The following UGT1A10 variants were observed in gnomAD, a reference collection of about 807,000 sequenced individuals.
UGT1A10 encodes the protein UDP glucuronosyltransferase family 1 member A10.
Under a neutral mutation model 45.8 loss-of-function variants are expected in UGT1A10, and 49 were observed. The observed-to-expected ratio is 1.07, with a 90% CI of 0.85 to 1.36. UGT1A10 has a LOEUF of 1.36. Among genes scored for constraint, UGT1A10 ranks in the 40% most tolerant of loss-of-function variants. The pLI is 0.00. For synonymous variants in UGT1A10, 284 were observed against 249.7 expected, an observed-to-expected ratio of 1.14 and a Z score of -1.29; for missense variants, 745 against 668.6, an observed-to-expected ratio of 1.11 and a Z score of -1.26.
chr2:233,645,372 C>G (rs906390966), intron 1 of UGT1A10, among the ~76,000 whole-genome samples: 1 of 152,172 alleles, frequency 6.6e-6, no homozygotes, highest in Non-Finnish European at 1.5e-5. Context: ...ATCTCATGTC[C>G]TCACATTTCA....
chr2:233,706,265 C>T (rs529383479), intron 1 of UGT1A10, among the ~76,000 whole-genome samples: 1 of 152,244 alleles, frequency 6.6e-6, no homozygotes, highest in Non-Finnish European at 1.5e-5. Flanking sequence ...AGCTGGATTG[C>T]CCAACCTCAG....
intron 1 of UGT1A10, among the ~76,000 whole-genome samples, chr2:233,658,515 A>G (rs2073902252): frequency 6.6e-6 from 1 of 152,140 alleles, no homozygotes; most frequent in African/African-American, 2.4e-5. Flanking sequence ...CATCTCCTGT[A>G]CCGTGTGACA....
At chr2:233,662,034 T>C (rs747803183) in intron 1 of UGT1A10, among the ~76,000 whole-genome samples, 1 of 152,130 alleles carries the variant, frequency 6.6e-6, no homozygotes, top group Non-Finnish European at 1.5e-5. Context: ...CTCCCTGCAA[T>C]AGCAACAGGG....
At chr2:233,760,745 T>A (rs1697549301) in intron 1 of UGT1A10, 1 of 1,614,020 alleles carries the variant, frequency 6.2e-7, no homozygotes, top group Non-Finnish European at 8.5e-7. Flanking sequence ...ACGGACCCTT[T>A]CCTTCCTTGC....
chr2:233,644,181 C>T (rs1250554397), intron 1 of UGT1A10, among the ~76,000 whole-genome samples: 1 of 152,158 alleles, frequency 6.6e-6, no homozygotes, highest in African/African-American at 2.4e-5. Flanking sequence ...TACTTGAGGC[C>T]AAGACCATTT....
chr2:233,671,825 G>T (rs1176992990), intron 1 of UGT1A10: 3 of 1,443,718 alleles, frequency 2.1e-6, no homozygotes, highest in East Asian at 2.4e-5. Context: ...TTTATGAAAG[G>T]ATAAAAACAC....
intron 1 of UGT1A10, among the ~76,000 whole-genome samples, chr2:233,643,503 G>A (rs2073515043): frequency 6.6e-6 from 1 of 152,076 alleles, no homozygotes; most frequent in South Asian, 2.1e-4. Context: ...GTCAAGTCCT[G>A]GAATCAGGGA....
chr2:233,651,358 G>C (rs1311812542), intron 1 of UGT1A10, among the ~76,000 whole-genome samples: 1 of 151,994 alleles, frequency 6.6e-6, no homozygotes, highest in Non-Finnish European at 1.5e-5. Flanking sequence ...ATCATGTTAA[G>C]ATATGTATAA....
At position 233,747,675 on chromosome 2, in the gene UGT1A10, T is replaced by A. The variant is rs1693747728; in HGVS notation, c.856-19359T>A. On this transcript the variant is annotated intron_variant, in intron 1 of 4. Transcript: ENST00000344644. ...CGATGTGGTTTTAATAGACCCAATTTACCTCTGTGGGGCAGTGCTGGCTAA... is the reference window on the plus strand; with the variant it reads ...CGATGTGGTTTTAATAGACCCAATTAACCTCTGTGGGGCAGTGCTGGCTAA... The A allele has an allele frequency of 8.1e-6, 13 of 1,605,742 alleles. No homozygotes were observed. The South Asian group carries it at 1.4e-4, about 18-fold the overall frequency.
chr2:233,753,795 C>T (rs760622704), intron 1 of UGT1A10: 6 of 152,312 alleles, frequency 3.9e-5, no homozygotes, highest in African/African-American at 1.4e-4. Flanking sequence ...TTTCCAGGAC[C>T]TACCATAGTT....
chr2:233,661,789 T>C, intron 1 of UGT1A10, among the ~76,000 whole-genome samples: 1 of 151,836 alleles, frequency 6.6e-6, no homozygotes, highest in Non-Finnish European at 1.5e-5. Flanking sequence ...ACTTTTCTTG[T>C]AATATCATGA....
intron 1 of UGT1A10, among the ~76,000 whole-genome samples, chr2:233,664,306 G>A (rs1251780811): frequency 1.3e-5 from 2 of 152,110 alleles, no homozygotes; most frequent in African/African-American, 4.8e-5. Flanking sequence ...TCAAACGTCT[G>A]CCTGCTACCA....
rs367686960 is a variant in UGT1A10, at chr2:233,636,666, T to C, written c.144T>C (p.Leu48=). ...WFTMQSVVEK[L]ILRGHEVVVV... ...CCATGCAGTCGGTGGTGGAGAAACT[T>C]ATCCTCAGGGGGCATGAGGTGGTTG... Residue 48 remains leucine (L), a synonymous_variant, in exon 1 of 5, where the codon CTT becomes CTC. Coordinates refer to ENST00000344644, the MANE Select transcript of UGT1A10 (RefSeq NM_019075.4). 2.0e-5 allele frequency: 32 copies of C among 1,614,072 alleles called. 1 individual carries two copies. The highest frequency in any genetic ancestry group is 2.0e-4 in the South Asian group (18 of 91,068).
At chr2:233,748,959 T>A (rs1217481897) in intron 1 of UGT1A10, among the ~76,000 whole-genome samples, 1 of 151,598 alleles carries the variant, frequency 6.6e-6, no homozygotes, top group African/African-American at 2.4e-5. Flanking sequence ...CACTCCAAGT[T>A]TCTATAGTGG....
At position 233,754,943 on chromosome 2, in the gene UGT1A10, T is replaced by C. The variant is rs746665032; in HGVS notation, c.856-12091T>C. 5.3e-6 allele frequency: 7 copies of C among 1,332,236 alleles called. No individual in the cohort carries two copies. The African/African-American group carries it at 1.0e-4, about 20-fold the overall frequency. The allele number at this position is 1,332,236 out of a possible 1,614,324, so 82.5% of individuals were successfully genotyped here. The stretch of plus-strand genomic sequence containing the variant: ...GGTTTCCCAAGAGGTCAAAGGAGAA[T>C]GGGTCCCGGCCGCCAAAGAACTCCC... On this transcript the variant is annotated intron_variant, in intron 1 of 4. Transcript: ENST00000344644.
chr2:233,713,010 G>A (rs778526502), intron 1 of UGT1A10: 3 of 1,613,638 alleles, frequency 1.9e-6, no homozygotes, highest in Non-Finnish European at 2.5e-6. Context: ...AGGACTCCAG[G>A]TTCCCCTGCC....
intron 1 of UGT1A10, among the ~76,000 whole-genome samples, chr2:233,704,481 T>A (rs555763956): frequency 1.3e-5 from 2 of 152,310 alleles, no homozygotes; most frequent in African/African-American, 2.4e-5. Flanking sequence ...CTCCCCTTTT[T>A]ATGATATTAT....
intron 3 of UGT1A10, 57 bp downstream of exon 3, chr2:233,767,993 T>G (rs2126036231): frequency 1.2e-6 from 2 of 1,614,180 alleles, no homozygotes; most frequent in Admixed American, 3.3e-5. Flanking sequence ...AGAAAATGGC[T>G]TAAGCACAGC....
At position 233,713,108 on chromosome 2, in the gene UGT1A10, C is replaced by T. The variant is rs752381189; in HGVS notation, c.856-53926C>T. Reference sequence around the variant, plus strand: ...TGCTGGTGGTGCCCACTGATGGCAGCCACTGGCTCAGCATGCGGGAGGCCT... The same window carrying T: ...TGCTGGTGGTGCCCACTGATGGCAGTCACTGGCTCAGCATGCGGGAGGCCT... On this transcript the variant is annotated intron_variant, in intron 1 of 4. Coordinates refer to ENST00000344644, the MANE Select transcript of UGT1A10 (RefSeq NM_019075.4). The T allele has an allele frequency of 2.3e-5, 37 of 1,614,062 alleles. No homozygotes were observed. The South Asian group carries it at 3.5e-4, about 15-fold the overall frequency.
Sources: gnomAD v4.1 joint callset for allele counts (sites outside exome capture counted in the v4.1 genomes callset) on GRCh38, gnomAD v4.1.1 for gene constraint, MANE v1.5 for transcripts, NCBI Gene and HGNC (gene_info 2026-07-23, HGNC 2026-07-21) for gene names.